Variants in PTAR1 observed in about 807,000 individuals in gnomAD.
PTAR1 encodes the protein protein prenyltransferase alpha subunit repeat-containing protein 1.
PTAR1 carries 17 observed loss-of-function variants against 45.5 expected under a neutral mutation model. The observed-to-expected ratio is 0.37, with a 90% confidence interval of 0.26 to 0.56. PTAR1 has a LOEUF of 0.56. Among genes scored for constraint, PTAR1 ranks in the 20% least tolerant of loss-of-function variants. The pLI, the probability that PTAR1 is intolerant of heterozygous loss-of-function variation, is 0.77. For missense variants in PTAR1, 391 were observed against 476.3 expected, an observed-to-expected ratio of 0.82 and a Z score of 1.67; for synonymous variants, 169 against 171.3, an observed-to-expected ratio of 0.99 and a Z score of 0.11.
At position 69,712,507 on chromosome 9, in the gene PTAR1, A is replaced by G. The variant is rs979990777; in HGVS notation, c.*5835T>C. On this transcript the variant is annotated 3_prime_UTR_variant, in exon 8 of 8. Transcript: ENST00000340434. The stretch of plus-strand genomic sequence containing the variant: ...GATTATGTATTTTATGCAAAATGGT[A>G]TATTTTTCCCAAAGCTAAGAATATG... 5.3e-5 allele frequency: 8 copies of G among 152,208 alleles called. No homozygotes were observed. Among genetic ancestry groups the G allele is most frequent in the Non-Finnish European group, 1.0e-4 (7 of 68,024 alleles). The allele number at this position is 152,208 out of a possible 1,614,324, so 9.4% of individuals were successfully genotyped here.
Position 69,759,957 on chromosome 9 carries a change from A to C in PTAR1, c.-19T>G. The C allele has an allele frequency of 6.8e-7, 1 of 1,468,758 alleles. No individual in the cohort carries two copies. Among genetic ancestry groups the C allele is most frequent in the Non-Finnish European group, 9.0e-7 (1 of 1,105,100 alleles). The allele number at this position is 1,468,758 out of a possible 1,614,324, so 91.0% of individuals were successfully genotyped here. ...CGGCCATGTTGGCGGCGGCCGCGAC[A>C]GTTCGGGCGCGCCTCCGCGTGAGCC... On this transcript the variant is annotated 5_prime_UTR_variant, in exon 1 of 8. Coordinates refer to ENST00000340434, the MANE Select transcript of PTAR1 (RefSeq NM_001099666.2).
chr9:69,717,173 C>A lies in PTAR1; in HGVS notation c.*1169G>T, dbSNP rs544349433. The A allele has an allele frequency of 6.6e-6, 1 of 152,252 alleles. No individual in the cohort carries two copies. The highest frequency in any genetic ancestry group is 1.9e-4 in the East Asian group (1 of 5,168). 9.4% of individuals were successfully genotyped at this position (152,252 alleles called of 1,614,324 possible). On this transcript the variant is annotated 3_prime_UTR_variant, in exon 8 of 8. Coordinates refer to ENST00000340434, the MANE Select transcript of PTAR1 (RefSeq NM_001099666.2). The stretch of plus-strand genomic sequence containing the variant: ...ATACTATTCCTTCCCTTGGCATTTG[C>A]CAGTAAACTTTAACAGTCACTTCAT...
rs574825623 is a variant in PTAR1, at chr9:69,759,633, G to A, written c.86+220C>T. Among the ~76,000 whole-genome samples the A allele has an allele frequency of 3.9e-5, 6 of 152,254 alleles. No homozygotes were observed. In the East Asian group the frequency reaches 1.2e-3, roughly 30 times the overall value. On this transcript the variant is annotated intron_variant, in intron 1 of 7. Coordinates refer to ENST00000340434, the MANE Select transcript of PTAR1 (RefSeq NM_001099666.2). Reference sequence around the variant, plus strand: ...AAGTAGTTCCGTTTTGATTTTTTGAGGTCACTTCTAGGGACTCGACCGCGA... The same window carrying A: ...AAGTAGTTCCGTTTTGATTTTTTGAAGTCACTTCTAGGGACTCGACCGCGA...
rs149650308 is a variant in PTAR1, at chr9:69,754,223, T to G, written c.87-3273A>C. On this transcript the variant is annotated intron_variant, in intron 1 of 7. Transcript: ENST00000340434. ...AAATCATTTTAAAGTTGGAAGGGACTGCATTCCTCTGTCATTTCATCTGAT... is the reference window on the plus strand; with the variant it reads ...AAATCATTTTAAAGTTGGAAGGGACGGCATTCCTCTGTCATTTCATCTGAT... Among the ~76,000 whole-genome samples the G allele has an allele frequency of 5.7e-3, 869 of 152,266 alleles. 9 individuals carry two copies. Among genetic ancestry groups the G allele is most frequent in the African/African-American group, 0.018 (737 of 41,544 alleles).
chr9:69,742,230 T>C (rs1342758754), intron 2 of PTAR1, among the ~76,000 whole-genome samples: 5 of 152,128 alleles, frequency 3.3e-5, no homozygotes, highest in African/African-American at 1.2e-4. Context: ...GTATTGACGG[T>C]GTGTGCGAAT....
intron 6 of PTAR1, among the ~76,000 whole-genome samples, chr9:69,721,682 C>T (rs910012624): frequency 6.6e-6 from 1 of 152,130 alleles, no homozygotes; most frequent in Admixed American, 6.5e-5. Context: ...CCTTCAGCAA[C>T]CACCACTCTG....
At chr9:69,751,524 A>G (rs917686459) in intron 1 of PTAR1, among the ~76,000 whole-genome samples, 4 of 152,130 alleles carry the variant, frequency 2.6e-5, no homozygotes, top group Non-Finnish European at 4.4e-5. Context: ...GATGCATTAA[A>G]AATTTTCTTG....
At chr9:69,757,219 T>C (rs1345604702) in intron 1 of PTAR1, 1 of 152,228 alleles carries the variant, frequency 6.6e-6, no homozygotes, top group Non-Finnish European at 1.5e-5. Context: ...GTCTTCTACA[T>C]TAGCACAGGG....
At position 69,717,358 on chromosome 9, in the gene PTAR1, A is replaced by G. The variant is rs1352553336; in HGVS notation, c.*984T>C. The stretch of plus-strand genomic sequence containing the variant: ...AAAAATGGCATTCCAGGTTTTCAGG[A>G]AAAAAAAATCAATTTTATAAGGACT... On this transcript the variant is annotated 3_prime_UTR_variant, in exon 8 of 8. Coordinates refer to ENST00000340434, the MANE Select transcript of PTAR1 (RefSeq NM_001099666.2). 2 of 151,680 alleles carry G rather than the reference A, an allele frequency of 1.3e-5. No individual in the cohort carries two copies. The highest frequency in any genetic ancestry group is 2.1e-4 in the South Asian group (1 of 4,810). 9.4% of individuals were successfully genotyped at this position (151,680 alleles called of 1,614,324 possible).
intron 1 of PTAR1, among the ~76,000 whole-genome samples, chr9:69,754,786 C>A (rs1341264881): frequency 6.6e-6 from 1 of 151,206 alleles, no homozygotes; most frequent in East Asian, 1.9e-4. Flanking sequence ...AACTCCTGGC[C>A]TCAAGTGATC....
At chr9:69,756,015 C>G (rs576602546) in intron 1 of PTAR1, among the ~76,000 whole-genome samples, 36 of 152,172 alleles carry the variant, frequency 2.4e-4, no homozygotes, top group Non-Finnish European at 4.4e-4. Context: ...AGCAAAGACT[C>G]AAATCCAGTT....
At chr9:69,750,178 TA>T (rs199976014) in intron 2 of PTAR1, among the ~76,000 whole-genome samples, 19 of 144,984 alleles carry the variant, frequency 1.3e-4, no homozygotes, top group Non-Finnish European at 1.7e-4. Context: ...TCTGATGCAG[TA>T]AAAAAAAAAA....
At chr9:69,735,865 C>T (rs1247162121) in intron 3 of PTAR1, among the ~76,000 whole-genome samples, 1 of 151,194 alleles carries the variant, frequency 6.6e-6, no homozygotes, top group African/African-American at 2.4e-5. Flanking sequence ...CAGTGACATA[C>T]TATTTATAAA....
At chr9:69,732,473 T>G (rs1229404676) in intron 4 of PTAR1, 121 bp from the exon 5 acceptor site, 7 of 698,576 alleles carry the variant, frequency 1.0e-5, no homozygotes, top group Non-Finnish European at 1.2e-5. Context: ...TAATACCTGT[T>G]TATAAGTCTA....
At chr9:69,747,802 A>G (rs1826341065) in intron 2 of PTAR1, among the ~76,000 whole-genome samples, 1 of 152,148 alleles carries the variant, frequency 6.6e-6, no homozygotes, top group African/African-American at 2.4e-5. Flanking sequence ...CCACACCAAA[A>G]TGTATCTAGA....
At chr9:69,724,825 A>C (rs534219225) in intron 5 of PTAR1, among the ~76,000 whole-genome samples, 1 of 152,340 alleles carries the variant, frequency 6.6e-6, no homozygotes, top group Admixed American at 6.5e-5. Context: ...TTATGAAATG[A>C]ATGAACAATT....
chr9:69,747,330 T>G (rs1759187192), intron 2 of PTAR1, among the ~76,000 whole-genome samples: 1 of 152,062 alleles, frequency 6.6e-6, no homozygotes, highest in African/African-American at 2.4e-5. Flanking sequence ...GGCTTCACAG[T>G]GTTAAGTGTG....
intron 1 of PTAR1, among the ~76,000 whole-genome samples, chr9:69,752,047 GTTTAATTAAT>G (rs968095262): frequency 1.3e-4 from 19 of 151,992 alleles, no homozygotes; most frequent in Admixed American, 1.2e-3. Context: ...AATGTCCTCT[GTTTAATTAAT>G]GAATAACAAG....
chr9:69,718,906 A>G (rs760030198), intron 6 of PTAR1, among the ~76,000 whole-genome samples: 2 of 152,208 alleles, frequency 1.3e-5, no homozygotes, highest in Non-Finnish European at 2.9e-5. Context: ...TGTTTGTGAG[A>G]AAGAATACAG....
Sources: allele counts gnomAD v4.1 joint callset (sites outside exome capture counted in the v4.1 genomes callset), GRCh38; gene constraint gnomAD v4.1.1; transcripts MANE v1.5; gene names NCBI Gene and HGNC (gene_info 2026-07-23, HGNC 2026-07-21).